Variants in IQUB observed in about 807,000 individuals in gnomAD.
IQUB encodes the protein IQ motif and ubiquitin domain containing.
A neutral mutation model predicts 86.4 loss-of-function variants in IQUB; 86 were observed. That is an observed-to-expected ratio of 1.00 (90% CI 0.84 to 1.19). The LOEUF is 1.19. IQUB is among the 50% of genes most tolerant of loss of function. IQUB has a pLI of 0.00. For missense variants in IQUB, 946 were observed against 916.9 expected, an observed-to-expected ratio of 1.03 and a Z score of -0.41; for synonymous variants, 289 against 304.5, an observed-to-expected ratio of 0.95 and a Z score of 0.53.
In IQUB at chr7:123,520,130, G is replaced by T. The variant is rs1191622243; in HGVS notation, c.-4-7786C>A. On this transcript the variant is annotated intron_variant, in intron 1 of 12. Coordinates refer to ENST00000324698, the MANE Select transcript of IQUB (RefSeq NM_178827.5). Reference sequence around the variant, plus strand: ...ACACAATTATTGCACATATTTATTGGACACACGTGATTATTTGATACATAT... The same window carrying T: ...ACACAATTATTGCACATATTTATTGTACACACGTGATTATTTGATACATAT... Among the ~76,000 whole-genome samples, 5 of 151,938 alleles carry T rather than the reference G, an allele frequency of 3.3e-5. No individual in the cohort carries two copies. In the South Asian group the frequency reaches 1.0e-3, roughly 32 times the overall value.
At chr7:123,524,655 A>G (rs1021120641) in intron 1 of IQUB, among the ~76,000 whole-genome samples, 6 of 151,484 alleles carry the variant, frequency 4.0e-5, no homozygotes, top group African/African-American at 7.3e-5. Context: ...AACAGGGACA[A>G]TTTGACTTCC....
chr7:123,477,059 A>G (rs1794776330), intron 8 of IQUB, among the ~76,000 whole-genome samples: 1 of 152,184 alleles, frequency 6.6e-6, no homozygotes, highest in South Asian at 2.1e-4. Context: ...GCTACCAATG[A>G]CTTTCTTCAC....
chr7:123,530,477 CAA>C (rs1797479049), intron 1 of IQUB, among the ~76,000 whole-genome samples: 1 of 151,766 alleles, frequency 6.6e-6, no homozygotes, highest in African/African-American at 2.4e-5. Context: ...ACAACAACAA[CAA>C]CACCAAAAAA....
chr7:123,461,574 T>A lies in IQUB; in HGVS notation c.1790A>T (p.Lys597Met), dbSNP rs867279553. The A allele has an allele frequency of 1.2e-6, 2 of 1,610,962 alleles. No individual in the cohort carries two copies. Among genetic ancestry groups the A allele is most frequent in the Non-Finnish European group, 1.7e-6 (2 of 1,178,244 alleles). ...VPQDPLKFYK[K>M]IYFCHSCQLY... ...CTGGCAACTGTGGCAAAAGTAAATC[T>A]TCTTATAAAATTTCAATGGGTCTTG... The change falls in exon 11 of 13, where the codon AAG becomes ATG. Residue 597 changes from lysine to methionine, a missense_variant. Transcript: ENST00000324698.
chr7:123,452,389 A>C lies in IQUB; in HGVS notation c.*354T>G, dbSNP rs1563420546. 1 of 158,576 alleles carries C rather than the reference A, an allele frequency of 6.3e-6. No homozygotes were observed. Among genetic ancestry groups the C allele is most frequent in the Non-Finnish European group, 1.4e-5 (1 of 72,472 alleles). 9.8% of individuals were successfully genotyped at this position (158,576 alleles called of 1,614,324 possible). ...GCTTCCTATAACTACATTCTATCTA[A>C]AATAAATAACTTGAAAGTTGTCTAG... On this transcript the variant is annotated 3_prime_UTR_variant, in exon 13 of 13. Transcript: ENST00000324698.
intron 7 of IQUB, among the ~76,000 whole-genome samples, chr7:123,485,476 A>G (rs1191724732): frequency 6.6e-6 from 1 of 152,150 alleles, no homozygotes. Context: ...AAGTCAGCCC[A>G]TTACAGATAT....
chr7:123,460,737 A>T (rs998156286), intron 11 of IQUB, among the ~76,000 whole-genome samples: 1 of 151,932 alleles, frequency 6.6e-6, no homozygotes, highest in African/African-American at 2.4e-5. Context: ...CCAATAGAAG[A>T]CATGGAATAA....
intron 10 of IQUB, 110 bp from the exon 11 acceptor site, chr7:123,461,715 A>T: frequency 1.0e-6 from 1 of 967,344 alleles, no homozygotes; most frequent in Non-Finnish European, 1.4e-6. Context: ...TTAGAATGAG[A>T]TTTAAAAAAA....
chr7:123,475,522 A>T (rs1794710131), intron 8 of IQUB, among the ~76,000 whole-genome samples: 1 of 152,100 alleles, frequency 6.6e-6, no homozygotes, highest in South Asian at 2.1e-4. Context: ...CCATAATTTC[A>T]AGAAGTTTAG....
At chr7:123,520,317 T>G (rs967736762) in intron 1 of IQUB, among the ~76,000 whole-genome samples, 3 of 152,148 alleles carry the variant, frequency 2.0e-5, no homozygotes, top group African/African-American at 7.2e-5. Context: ...GCTTATATTC[T>G]AGTGAGGAAA....
intron 9 of IQUB, among the ~76,000 whole-genome samples, chr7:123,467,914 T>C (rs1794336687): frequency 6.6e-6 from 1 of 152,210 alleles, no homozygotes; most frequent in Non-Finnish European, 1.5e-5. Flanking sequence ...CAAGTCCTAT[T>C]AAACTCTGAG....
At chr7:123,527,698 A>G (rs1797312314) in intron 1 of IQUB, among the ~76,000 whole-genome samples, 1 of 152,088 alleles carries the variant, frequency 6.6e-6, no homozygotes, top group African/African-American at 2.4e-5. Flanking sequence ...GCGTGCTGGG[A>G]GAACCACTGC....
intron 8 of IQUB, among the ~76,000 whole-genome samples, chr7:123,471,088 T>G (rs1794501555): frequency 6.6e-6 from 1 of 152,164 alleles, no homozygotes; most frequent in Non-Finnish European, 1.5e-5. Flanking sequence ...AAACTTTAGA[T>G]TCTCAGCTCC....
intron 8 of IQUB, among the ~76,000 whole-genome samples, chr7:123,471,813 A>C (rs1794535637): frequency 6.6e-6 from 1 of 152,194 alleles, no homozygotes; most frequent in Non-Finnish European, 1.5e-5. Context: ...GTGAAATCCT[A>C]TTGCACTTGT....
chr7:123,529,477 G>GT (rs74558576), intron 1 of IQUB, among the ~76,000 whole-genome samples: 39,649 of 147,698 alleles, frequency 0.27, 5,368 homozygotes, highest in East Asian at 0.33. Flanking sequence ...TGTCTCTAGT[G>GT]TTTTTTTTTT....
At position 123,471,050 on chromosome 7, in the gene IQUB, G is replaced by A. The variant is rs542695806; in HGVS notation, c.1411-1666C>T. On this transcript the variant is annotated intron_variant, in intron 8 of 12. Transcript: ENST00000324698. ...TATTCAGATCAAAGCCAAAATGAAT[G>A]TTATTCAGAGGTAGGAATCTTCATC... Among the ~76,000 whole-genome samples the A allele has an allele frequency of 3.0e-4, 46 of 152,208 alleles. 1 individual carries two copies. The highest frequency in any genetic ancestry group is 1.1e-3 in the African/African-American group (46 of 41,550).
rs144695940 is a variant in IQUB at position 123,513,519 on chromosome 7, G to A, written c.-4-1175C>T. On this transcript the variant is annotated intron_variant, in intron 1 of 12. Transcript: ENST00000324698. ...CAAAGATGCATTGGAGACTATGTGC[G>A]GTCTTTGCAGTCTAAAAAAAACCTG... Among the ~76,000 whole-genome samples, 291 of 152,200 alleles carry A rather than the reference G, an allele frequency of 1.9e-3. 2 individuals carry two copies. The highest frequency in any genetic ancestry group is 6.7e-3 in the African/African-American group (278 of 41,550).
chr7:123,472,627 C>A (rs1352245342), intron 8 of IQUB, among the ~76,000 whole-genome samples: 1 of 152,156 alleles, frequency 6.6e-6, no homozygotes, highest in African/African-American at 2.4e-5. Context: ...GTGATACAAT[C>A]AAAGAATCCT....
chr7:123,479,295 G>A (rs1166503724), intron 8 of IQUB, among the ~76,000 whole-genome samples: 1 of 151,976 alleles, frequency 6.6e-6, no homozygotes, highest in Non-Finnish European at 1.5e-5. Flanking sequence ...TTAATTATAT[G>A]TTTTCATGGT....
Sources: gnomAD v4.1 joint callset for allele counts (sites outside exome capture counted in the v4.1 genomes callset) on GRCh38, gnomAD v4.1.1 for gene constraint, MANE v1.5 for transcripts, NCBI Gene and HGNC (gene_info 2026-07-23, HGNC 2026-07-21) for gene names.